The following KLHDC8B variants were observed in gnomAD, a reference collection of about 807,000 sequenced individuals.
KLHDC8B encodes the protein kelch domain-containing protein 8B.
A neutral mutation model predicts 26.3 loss-of-function variants in KLHDC8B; 19 were observed. The ratio of observed to expected loss-of-function variants is 0.72; its 90% confidence interval spans 0.50 to 1.06. KLHDC8B has a LOEUF of 1.06. KLHDC8B is among the 50% of genes least tolerant of loss of function. The probability of loss-of-function intolerance (pLI) is 0.00; values close to 1 mark genes in which losing one functional copy is unlikely to be tolerated. For synonymous variants in KLHDC8B, 150 were observed against 188.4 expected (o/e 0.80, Z 1.67); for missense variants, 411 against 488.1 (o/e 0.84, Z 1.49).
At chr3:49,175,583 G>A in intron 5 of KLHDC8B, 22 bp from the exon 6 acceptor site, 1 of 1,527,054 alleles carries the variant, frequency 6.5e-7, no homozygotes, top group Non-Finnish European at 8.8e-7. Flanking sequence ...GCCTCTCACA[G>A]CCTTCTCTCT....
chr3:49,172,904 CCTGGACACTGCTGAGACA>C lies in KLHDC8B; in HGVS notation c.143_160del (p.Thr48_Asp53del). ...GGGGTTGTGGCCGGGCTGGACTGCCCCTGGACACTGCTGAGACACTGGACATGGCCTCGCACACATGGC... is the reference window on the plus strand; with the variant it reads ...GGGGTTGTGGCCGGGCTGGACTGCCCCTGGACATGGCCTCGCACACATGGC... On this transcript the variant is annotated inframe_deletion, in exon 2 of 6. Transcript: ENST00000332780. 1.2e-6 allele frequency: 2 copies of C among 1,614,104 alleles called. No homozygotes were observed. The highest frequency in any genetic ancestry group is 1.7e-6 in the Non-Finnish European group (2 of 1,180,024).
Position 49,175,786 on chromosome 3 carries a change from G to C in KLHDC8B, c.1050G>C (p.Leu350=). 1 of 1,614,070 alleles carries C rather than the reference G, an allele frequency of 6.2e-7. No homozygotes were observed. The highest frequency in any genetic ancestry group is 1.1e-5 in the South Asian group (1 of 91,088). Residue 350 remains leucine (L), a synonymous_variant, in exon 6 of 6, where the codon CTG becomes CTC. Transcript: ENST00000332780. ...GTCAAGCCGTGGAGGCACTGTGTCT[G>C]CGTGATGGGGTCTGAAGGCTTGGTG... ...GPSQAVEALC[L]RDGV
At chr3:49,171,826 T>C (rs1410040133) in intron 1 of KLHDC8B, 141 bp downstream of exon 1, 4 of 152,054 alleles carry the variant, frequency 2.6e-5, no homozygotes, top group Admixed American at 6.5e-5. Flanking sequence ...GGTCCAGGAG[T>C]GTAGCCACCA....
In KLHDC8B at chr3:49,175,950, G is replaced by T. The variant is rs1162990831; in HGVS notation, c.*149G>T. On this transcript the variant is annotated 3_prime_UTR_variant, in exon 6 of 6. Coordinates refer to ENST00000332780, the MANE Select transcript of KLHDC8B (RefSeq NM_173546.3). The stretch of plus-strand genomic sequence containing the variant: ...CTTGAAACACTGCCTTGGGGCCTTG[G>T]GTTAGGGGAGCCTTTGTCTTTAGTG... The T allele has an allele frequency of 4.3e-6, 3 of 693,332 alleles. No individual in the cohort carries two copies. The highest frequency in any genetic ancestry group is 7.3e-6 in the Non-Finnish European group (3 of 410,282). 42.9% of individuals were successfully genotyped at this position (693,332 alleles called of 1,614,324 possible).
chr3:49,175,456 C>A (rs1575549755), intron 5 of KLHDC8B, 149 bp from the exon 6 acceptor site: 3 of 655,016 alleles, frequency 4.6e-6, no homozygotes, highest in Non-Finnish European at 8.1e-6. Flanking sequence ...AATGAATGAA[C>A]AAATGATGAA....
Position 49,172,677 on chromosome 3 carries a change from C to A in KLHDC8B, c.-93C>A. On this transcript the variant is annotated 5_prime_UTR_variant, in exon 2 of 6. Transcript: ENST00000332780. The stretch of plus-strand genomic sequence containing the variant: ...TGGACTGGTCATATACCTCTTGTGG[C>A]CCTGGCAGAATCAAGATGAGGCCCT... The A allele has an allele frequency of 7.5e-7, 1 of 1,339,136 alleles. No individual in the cohort carries two copies. Among genetic ancestry groups the A allele is most frequent in the Non-Finnish European group, 1.0e-6 (1 of 974,638 alleles). The allele number at this position is 1,339,136 out of a possible 1,614,324, so 83.0% of individuals were successfully genotyped here.
intron 3 of KLHDC8B, 34 bp from the exon 4 acceptor site, chr3:49,174,708 G>T: frequency 6.4e-7 from 1 of 1,572,328 alleles, no homozygotes; most frequent in South Asian, 1.2e-5. Context: ...AAGCCTCCTG[G>T]GCTCCTTCCC....
intron 4 of KLHDC8B, 30 bp downstream of exon 4, chr3:49,174,996 C>T (rs267599867): frequency 1.9e-6 from 3 of 1,613,974 alleles, no homozygotes; most frequent in Non-Finnish European, 2.5e-6. Flanking sequence ...GGCTGTCCTC[C>T]CGCTCTCTGT....
At chr3:49,171,762 C>T (rs1280560299) in intron 1 of KLHDC8B, 77 bp downstream of exon 1, 1 of 152,380 alleles carries the variant, frequency 6.6e-6, no homozygotes, top group Non-Finnish European at 1.5e-5. Flanking sequence ...AGCCCAGACC[C>T]GCCCCCCACA....
rs775048628 is a variant in KLHDC8B at position 49,173,020 on chromosome 3, T to C, written c.251T>C (p.Val84Ala). 6.2e-7 allele frequency: 1 copy of C among 1,613,416 alleles called. No homozygotes were observed. The highest frequency in any genetic ancestry group is 8.5e-7 in the Non-Finnish European group (1 of 1,179,818). The change falls in exon 2 of 6, where the codon GTG becomes GCG. Residue 84 changes from valine to alanine, a missense_variant. Val to Ala is a moderately conservative substitution (Grantham distance 64, BLOSUM62 0). Transcript: ENST00000332780. ...GTTCTGGGCAAGCAGGTGCTAGTGG[T>C]GGGTGGTGTGGATGAGGTCCAGAGC... is the stretch of plus-strand genomic sequence containing the variant. Reference protein sequence around the residue: ...AVVLGKQVLVVGGVDEVQSPV... With the variant: ...AVVLGKQVLVAGGVDEVQSPV...
intron 5 of KLHDC8B, 64 bp downstream of exon 5, chr3:49,175,227 T>G: frequency 7.4e-7 from 1 of 1,348,500 alleles, no homozygotes; most frequent in Non-Finnish European, 1.0e-6. Context: ...GCCCCCAGCA[T>G]GTGTGTCACC....
intron 1 of KLHDC8B, among the ~76,000 whole-genome samples, chr3:49,172,014 G>A (rs1320332048): frequency 6.6e-6 from 1 of 152,204 alleles, no homozygotes; most frequent in Non-Finnish European, 1.5e-5. Flanking sequence ...TGGCTTCTGG[G>A]GGGGTTTGGA....
At chr3:49,172,305 T>A (rs756913191) in intron 1 of KLHDC8B, among the ~76,000 whole-genome samples, 4 of 151,946 alleles carry the variant, frequency 2.6e-5, no homozygotes, top group Non-Finnish European at 4.4e-5. Flanking sequence ...AAAGGAAGGG[T>A]CCTGGATGGA....
At chr3:49,173,938 A>G (rs2045794024) in intron 2 of KLHDC8B, among the ~76,000 whole-genome samples, 1 of 151,890 alleles carries the variant, frequency 6.6e-6, no homozygotes, top group South Asian at 2.1e-4. Flanking sequence ...AGGTCTGACC[A>G]CCAGCCCAGG....
rs749645818 is a variant in KLHDC8B, at chr3:49,175,812, GGA to G, written c.*13_*14del. The G allele has an allele frequency of 8.9e-4, 1,430 of 1,613,508 alleles. 2 individuals are homozygous for G. The highest frequency in any genetic ancestry group is 1.2e-3 in the Non-Finnish European group (1,378 of 1,179,724). On this transcript the variant is annotated 3_prime_UTR_variant, in exon 6 of 6. Coordinates refer to ENST00000332780, the MANE Select transcript of KLHDC8B (RefSeq NM_173546.3). ...CGTGATGGGGTCTGAAGGCTTGGTGGGAGCTGTCCACTGGAGCAGCTCATTGC... is the reference window on the plus strand; with the variant it reads ...CGTGATGGGGTCTGAAGGCTTGGTGGGCTGTCCACTGGAGCAGCTCATTGC...
At chr3:49,175,549 G>A (rs1353022104) in intron 5 of KLHDC8B, 56 bp from the exon 6 acceptor site, 1 of 1,345,824 alleles carries the variant, frequency 7.4e-7, no homozygotes, top group Non-Finnish European at 1.0e-6. Context: ...GGGAGCAGAA[G>A]GGCCTGGAGT....
intron 2 of KLHDC8B, 60 bp from the exon 3 acceptor site, chr3:49,174,179 T>C: frequency 1.5e-6 from 2 of 1,357,320 alleles, no homozygotes; most frequent in Non-Finnish European, 2.1e-6. Context: ...CCAGGGCAGC[T>C]GTCAGGGTGG....
Position 49,175,014 on chromosome 3 carries a change from A to C in KLHDC8B, c.766+48A>C, listed in dbSNP as rs948862890. The C allele has an allele frequency of 2.5e-6, 4 of 1,613,674 alleles. No individual in the cohort carries two copies. The Middle Eastern group carries it at 4.9e-4, about 200-fold the overall frequency. On this transcript the variant is annotated intron_variant, in intron 4 of 5. Coordinates refer to ENST00000332780, the MANE Select transcript of KLHDC8B (RefSeq NM_173546.3). ...TGTCCTCCCGCTCTCTGTGGGATGG[A>C]GGGGCATAGTGTGTACATGACTAGA...
rs372010655 is a variant in KLHDC8B at position 49,174,855 on chromosome 3, A to G, written c.655A>G (p.Met219Val). 2 of 1,614,120 alleles carry G rather than the reference A, an allele frequency of 1.2e-6. No homozygotes were observed. The highest frequency in any genetic ancestry group is 1.7e-6 in the Non-Finnish European group (2 of 1,180,032). Residue 219 changes from methionine (M) to valine (V), a missense_variant, in exon 4 of 6, where the codon ATG (methionine) becomes GTG (valine). By Grantham distance (21) the Met-to-Val change is conservative. Transcript: ENST00000332780. The stretch of plus-strand genomic sequence containing the variant: ...CCGTCGGGCCTTTGCTGGCTGCGCC[A>G]TGGCTGAAGGCAGCGTCTTTAGCCT... ...PSRRAFAGCA[M>V]AEGSVFSLGG... is the part of the protein sequence containing the mutation.
Sources: gnomAD v4.1 joint callset for allele counts (sites outside exome capture counted in the v4.1 genomes callset) on GRCh38, gnomAD v4.1.1 for gene constraint, MANE v1.5 for transcripts, NCBI Gene and HGNC (gene_info 2026-07-23, HGNC 2026-07-21) for gene names.